Variants in LRP5 observed in about 807,000 individuals in gnomAD.
LRP5 encodes the protein LDL receptor related protein 5, also known as low-density lipoprotein receptor-related protein 5.
LRP5 carries 62 observed loss-of-function variants against 154.1 expected under a neutral mutation model. The observed-to-expected ratio is 0.40, with a 90% CI of 0.33 to 0.50. The LOEUF (loss-of-function observed/expected upper bound fraction) is 0.50, where lower values mean the gene tolerates loss of function less well. Ranked by LOEUF, LRP5 falls within the 20% of genes least tolerant of loss-of-function variation. The pLI, the probability that LRP5 is intolerant of heterozygous loss-of-function variation, is 0.55. For synonymous variants in LRP5, 966 were observed against 1,011.5 expected, an observed-to-expected ratio of 0.96 and a Z score of 0.85; for missense variants, 1,915 against 2,336.7, an observed-to-expected ratio of 0.82 and a Z score of 3.72.
intron 3 of LRP5, among the ~76,000 whole-genome samples, chr11:68,360,484 C>T (rs1010010952): frequency 6.6e-6 from 1 of 152,258 alleles, no homozygotes; most frequent in Admixed American, 6.5e-5. Context: ...GCCTCTGCAG[C>T]GGCCATCGCT....
intron 13 of LRP5, among the ~76,000 whole-genome samples, chr11:68,420,016 T>C (rs2098664667): frequency 6.6e-6 from 1 of 151,958 alleles, no homozygotes; most frequent in Non-Finnish European, 1.5e-5. Context: ...GGGCTTGAAA[T>C]GGACTCAAGC....
chr11:68,305,926 C>T, the LRP5 span, among the ~76,000 whole-genome samples: 1 of 152,232 alleles, frequency 6.6e-6, no homozygotes, highest in Non-Finnish European at 1.5e-5. Flanking sequence ...AGTTGATTAT[C>T]TCACAGTGCT....
intron 5 of LRP5, among the ~76,000 whole-genome samples, chr11:68,377,422 G>A (rs77913483): frequency 0.02 from 3,027 of 152,228 alleles, 100 homozygotes; most frequent in African/African-American, 0.069. Context: ...CCCAGGCACC[G>A]TGCAGGTGAC....
chr11:68,409,860 A>G (rs1429846445), intron 9 of LRP5, 54 bp from the exon 10 acceptor site: 30 of 1,436,928 alleles, frequency 2.1e-5, no homozygotes, highest in Admixed American at 1.5e-4. Flanking sequence ...CAAAAAAAAA[A>G]AAAAAGATGC....
chr11:68,318,873 C>T (rs1477522448), intron 1 of LRP5, among the ~76,000 whole-genome samples: 1 of 152,186 alleles, frequency 6.6e-6, no homozygotes, highest in Non-Finnish European at 1.5e-5. Context: ...GAGAGGCACT[C>T]ACCTTCTGAG....
At chr11:68,380,944 G>A (rs1396284559) in intron 5 of LRP5, among the ~76,000 whole-genome samples, 1 of 152,236 alleles carries the variant, frequency 6.6e-6, no homozygotes, top group Non-Finnish European at 1.5e-5. Context: ...CTAACCCCAG[G>A]AACCTGTGTA....
chr11:68,317,478 C>T lies in LRP5; in HGVS notation c.91+4673C>T, dbSNP rs114876947. Among the ~76,000 whole-genome samples, 396 of 152,172 alleles carry T rather than the reference C, an allele frequency of 2.6e-3. 2 individuals carry two copies. Among genetic ancestry groups the T allele is most frequent in the African/African-American group, 9.2e-3 (380 of 41,500 alleles). ...CTGTGCTGGTTGCCCCCGAGGGGGC[C>T]TGGAGCCCTGAGTTAGGAGCAGAAC... On this transcript the variant is annotated intron_variant, in intron 1 of 22. Transcript: ENST00000294304.
chr11:68,317,391 T>A (rs2098594037), intron 1 of LRP5, among the ~76,000 whole-genome samples: 3 of 152,206 alleles, frequency 2.0e-5, no homozygotes, highest in African/African-American at 7.2e-5. Context: ...TGAGAGCCAG[T>A]CCCCAGCACC....
chr11:68,372,391 T>C (rs867957899), intron 5 of LRP5, among the ~76,000 whole-genome samples: 647 of 4,500 alleles, frequency 0.14, no homozygotes, highest in African/African-American at 0.18. Flanking sequence ...GTGGTGGTGT[T>C]GAGGAGGTGC....
At chr11:68,311,617 C>CATGA (rs1393714239), upstream of LRP5, among the ~76,000 whole-genome samples, 2 of 152,242 alleles carry the variant, frequency 1.3e-5, no homozygotes, top group African/African-American at 4.8e-5. Flanking sequence ...CAGAGGCGTT[C>CATGA]AGCCTGACTC....
intron 1 of LRP5, among the ~76,000 whole-genome samples, chr11:68,328,789 C>T (rs781638503): frequency 4.6e-5 from 7 of 152,200 alleles, no homozygotes; most frequent in African/African-American, 1.7e-4. Context: ...TATCTGGAGT[C>T]GAACTTGCCC....
At chr11:68,433,067 G>C (rs1243463679) in intron 17 of LRP5, among the ~76,000 whole-genome samples, 1 of 152,196 alleles carries the variant, frequency 6.6e-6, no homozygotes, top group Non-Finnish European at 1.5e-5. Flanking sequence ...CTCCTGCCTT[G>C]CTATGCGCAC....
At chr11:68,418,011 C>T (rs2098663536) in intron 13 of LRP5, among the ~76,000 whole-genome samples, 1 of 152,166 alleles carries the variant, frequency 6.6e-6, no homozygotes, top group African/African-American at 2.4e-5. Context: ...GTGGCCTGTT[C>T]CACAAATGAT....
At chr11:68,317,092 C>T (rs928451862) in intron 1 of LRP5, among the ~76,000 whole-genome samples, 4 of 152,130 alleles carry the variant, frequency 2.6e-5, no homozygotes, top group Non-Finnish European at 5.9e-5. Flanking sequence ...TGTCCTGGGG[C>T]CAGTGAGGTC....
intron 12 of LRP5, among the ~76,000 whole-genome samples, chr11:68,414,991 T>C (rs2098661710): frequency 6.6e-6 from 1 of 152,216 alleles, no homozygotes; most frequent in South Asian, 2.1e-4. Flanking sequence ...GGGGTTGCCA[T>C]GACTCAGAGT....
At chr11:68,416,740 C>T (rs1377411730) in intron 13 of LRP5, among the ~76,000 whole-genome samples, 4 of 152,086 alleles carry the variant, frequency 2.6e-5, no homozygotes, top group Admixed American at 6.5e-5. Context: ...TGGGTTTCCC[C>T]GTTGTTTAAG....
intron 1 of LRP5, among the ~76,000 whole-genome samples, chr11:68,343,241 A>G (rs1037687311): frequency 2.0e-5 from 3 of 152,242 alleles, no homozygotes; most frequent in Non-Finnish European, 4.4e-5. Context: ...AAGGAAGCTA[A>G]TTTAGAGTAG....
At chr11:68,373,794 G>A (rs1356536204) in intron 5 of LRP5, among the ~76,000 whole-genome samples, 12 of 152,226 alleles carry the variant, frequency 7.9e-5, no homozygotes, top group Non-Finnish European at 1.8e-4. Flanking sequence ...CGCCATCCTC[G>A]GAAGCTGCTG....
At chr11:68,430,196 C>CA (rs1332424378) in intron 17 of LRP5, among the ~76,000 whole-genome samples, 1 of 152,164 alleles carries the variant, frequency 6.6e-6, no homozygotes, top group East Asian at 1.9e-4. Flanking sequence ...GTTTTTGAGA[C>CA]AGTGTCTTGC....
Sources: gnomAD v4.1 joint callset for allele counts (sites outside exome capture counted in the v4.1 genomes callset) on GRCh38, gnomAD v4.1.1 for gene constraint, MANE v1.5 for transcripts, NCBI Gene and HGNC (gene_info 2026-07-23, HGNC 2026-07-21) for gene names.